Variants in KDM6A observed in about 807,000 individuals in gnomAD.
KDM6A encodes lysine-specific demethylase 6A.
A neutral mutation model predicts 117.6 loss-of-function variants in KDM6A; 11 were observed. The ratio of observed to expected loss-of-function variants is 0.09; its 90% confidence interval spans 0.06 to 0.15. The LOEUF (loss-of-function observed/expected upper bound fraction) is 0.15, where lower values mean the gene tolerates loss of function less well. Among genes scored for constraint, KDM6A ranks in the 10% least tolerant of loss-of-function variants. KDM6A has a pLI of 1.00. For missense variants in KDM6A, 799 were observed against 1,077.3 expected (o/e 0.74, Z 3.62); for synonymous variants, 384 against 396.1 (o/e 0.97, Z 0.36).
intron 12 of KDM6A, among the ~76,000 whole-genome samples, 196 bp downstream of exon 12, chrX:45,059,662 C>T (rs1299460330): frequency 8.9e-6 from 1 of 111,852 alleles, no homozygotes; most frequent in Non-Finnish European, 1.9e-5. Context: ...TTTAAAGATG[C>T]TCTTTTGCAC....
intron 27 of KDM6A, among the ~76,000 whole-genome samples, chrX:45,102,387 C>T (rs1180986354): frequency 8.9e-6 from 1 of 111,903 alleles, no homozygotes; most frequent in Non-Finnish European, 1.9e-5. Context: ...ATAAAATATA[C>T]TTTATCACAA....
intron 16 of KDM6A, 75 bp downstream of exon 16, chrX:45,062,823 G>A: frequency 7.8e-6 from 5 of 638,422 alleles, no homozygotes; most frequent in Non-Finnish European, 1.3e-5. Context: ...TCATTTTAGA[G>A]CATGTTTATG....
chrX:45,035,061 T>A, intron 7 of KDM6A, 76 bp downstream of exon 7: 1 of 854,484 alleles, frequency 1.2e-6, no homozygotes, highest in Non-Finnish European at 1.7e-6. Context: ...ATGTTAGTGA[T>A]AAATTCTGTG....
At chrX:45,061,902 ATTTC>A (rs2044318808) in intron 15 of KDM6A, among the ~76,000 whole-genome samples, 1 of 105,969 alleles carries the variant, frequency 9.4e-6, no homozygotes, top group Admixed American at 9.9e-5. Context: ...CTTGTTTTTA[ATTTC>A]TTTTTTTTTT....
chrX:44,884,126 AAAG>A (rs1320497198), intron 2 of KDM6A, among the ~76,000 whole-genome samples: 6 of 102,428 alleles, frequency 5.9e-5, no homozygotes, highest in African/African-American at 1.6e-4. Context: ...AAAAAAAAAA[AAAG>A]AGTTAGAGGT....
intron 12 of KDM6A, 44 bp downstream of exon 12, chrX:45,059,510 C>T: frequency 1.1e-6 from 1 of 938,577 alleles, no homozygotes; most frequent in Non-Finnish European, 1.5e-6. Flanking sequence ...CATATTTCCC[C>T]AGAACACTCA....
chrX:45,033,860 A>G (rs750095767), intron 6 of KDM6A, among the ~76,000 whole-genome samples: 59 of 111,174 alleles, frequency 5.3e-4, no homozygotes, highest in Non-Finnish European at 9.6e-4. Flanking sequence ...GCCAAGAGAC[A>G]TTCTTGAGTG....
At chrX:44,948,541 G>A (rs981971206) in intron 2 of KDM6A, among the ~76,000 whole-genome samples, 1 of 111,638 alleles carries the variant, frequency 9.0e-6, no homozygotes, top group Non-Finnish European at 1.9e-5. Flanking sequence ...GTTTTACATC[G>A]GGTCAGATTC....
intron 8 of KDM6A, among the ~76,000 whole-genome samples, chrX:45,040,747 A>AC (rs1378098329): frequency 2.0e-5 from 1 of 50,215 alleles, no homozygotes; most frequent in African/African-American, 8.6e-5. Context: ...TCCCTCCTGG[A>AC]TGGGGCGGCT....
chrX:45,040,392 G>C (rs1167401735), intron 8 of KDM6A, among the ~76,000 whole-genome samples: 1 of 90,842 alleles, frequency 1.1e-5, no homozygotes, highest in Non-Finnish European at 2.2e-5. Flanking sequence ...CTGGCCAGGC[G>C]GGGGGCTGAT....
chrX:44,919,817 C>G (rs992480811), intron 2 of KDM6A, among the ~76,000 whole-genome samples: 1 of 110,203 alleles, frequency 9.1e-6, no homozygotes, highest in Non-Finnish European at 1.9e-5. Context: ...ACCATGTTGA[C>G]CAGGCTGGTC....
intron 2 of KDM6A, 25 bp from the exon 3 acceptor site, chrX:44,961,259 C>G (rs2147167553): frequency 1.8e-6 from 2 of 1,103,391 alleles, no homozygotes; most frequent in Non-Finnish European, 2.5e-6. Context: ...TTTTTGCTTA[C>G]ATATTTGTAT....
At chrX:44,940,143 C>G (rs1442330757) in intron 2 of KDM6A, among the ~76,000 whole-genome samples, 2 of 111,228 alleles carry the variant, frequency 1.8e-5, no homozygotes, top group African/African-American at 6.6e-5. Flanking sequence ...AGCTCTGCTT[C>G]CTGGGTTCAA....
At chrX:45,045,279 C>T (rs1007738000) in intron 8 of KDM6A, among the ~76,000 whole-genome samples, 2 of 110,853 alleles carry the variant, frequency 1.8e-5, no homozygotes, top group Non-Finnish European at 3.8e-5. Flanking sequence ...GAGTTGACCA[C>T]TCTAGGTATC....
intron 27 of KDM6A, among the ~76,000 whole-genome samples, chrX:45,102,052 G>A (rs2046355445): frequency 9.0e-6 from 1 of 111,276 alleles, no homozygotes; most frequent in Admixed American, 9.6e-5. Flanking sequence ...TCTCTTAAAG[G>A]CTCTAATCCT....
rs2043005206 is a variant in KDM6A at position 45,040,133 on chromosome X, C to T, written c.654+2444C>T. Among the ~76,000 whole-genome samples, 8 of 58,034 alleles carry T rather than the reference C, an allele frequency of 1.4e-4. No individual in the cohort carries two copies. The Admixed American group carries it at 1.5e-3, about 11-fold the overall frequency. The allele number at this position is 58,034 out of a possible 115,157, so 50.4% of individuals were successfully genotyped here. ...CTCCCGGATGGGGCGGCTGGCCGGG[C>T]GGGGGGCTGACCCCCCCACCATCCT... On this transcript the variant is annotated intron_variant, in intron 8 of 29. Coordinates refer to ENST00000611820, the MANE Select transcript of KDM6A (RefSeq NM_001291415.2).
intron 4 of KDM6A, among the ~76,000 whole-genome samples, chrX:44,990,045 T>C (rs749959301): frequency 8.9e-6 from 1 of 111,878 alleles, no homozygotes; most frequent in South Asian, 3.7e-4. Flanking sequence ...TCATGATTGT[T>C]GGGCGTTATA....
chrX:44,973,578 A>G (rs1360121695), intron 3 of KDM6A, among the ~76,000 whole-genome samples: 1 of 110,856 alleles, frequency 9.0e-6, no homozygotes, highest in Non-Finnish European at 1.9e-5. Context: ...CTGTTGCCTT[A>G]TTTCTAGAAT....
rs778124180 is a variant in KDM6A, at chrX:45,081,849, G to A, written c.3301-727G>A. Among the ~76,000 whole-genome samples, 4 of 110,018 alleles carry A rather than the reference G, an allele frequency of 3.6e-5. No homozygotes were observed. In the South Asian group the frequency reaches 1.6e-3, roughly 44 times the overall value. On this transcript the variant is annotated intron_variant, in intron 21 of 29. Transcript: ENST00000611820. ...GCTGGAGTGCAGTGGCGTGATCTCA[G>A]CTCACTGCAACCTCCACCTCCCGGG...
Sources: allele counts gnomAD v4.1 joint callset (sites outside exome capture counted in the v4.1 genomes callset), GRCh38; gene constraint gnomAD v4.1.1; transcripts MANE v1.5; gene names NCBI Gene and HGNC (gene_info 2026-07-23, HGNC 2026-07-21).